KNG1: variants seen among roughly 807,000 people sequenced by gnomAD.
KNG1 encodes kininogen-1.
Under a neutral mutation model 47.8 loss-of-function variants are expected in KNG1, and 23 were observed. That is an observed-to-expected ratio of 0.48 (90% CI 0.35 to 0.68). KNG1 has a LOEUF of 0.68. Among genes scored for constraint, KNG1 ranks in the 30% least tolerant of loss-of-function variants. The pLI, the probability that KNG1 is intolerant of heterozygous loss-of-function variation, is 0.01. For missense variants in KNG1, 762 were observed against 790.2 expected (o/e 0.96, Z 0.43); for synonymous variants, 277 against 277.0 (o/e 1.00, Z 0.00).
rs1398971331 is a variant in KNG1, at chr3:186,739,150, T to C, written c.982T>C (p.Cys328Arg). ...FIDFVARETT[C>R]SKESNEELTE... ...TGACTTCGTGGCCAGGGAAACCACA[T>C]GTTCCAAGGAAAGTAATGAAGAGTT... Residue 328 changes from cysteine to arginine, a missense_variant, in exon 8 of 10, where the codon TGT becomes CGT. By Grantham distance (180) the Cys-to-Arg change is radical. Coordinates refer to ENST00000644859, the MANE Select transcript of KNG1 (RefSeq NM_001102416.3). 3.7e-6 allele frequency: 6 copies of C among 1,614,066 alleles called. No individual in the cohort carries two copies. Among genetic ancestry groups the C allele is most frequent in the South Asian group, 2.2e-5 (2 of 91,084 alleles).
At chr3:186,730,517 G>A (rs1720484269) in intron 5 of KNG1, among the ~76,000 whole-genome samples, 1 of 151,454 alleles carries the variant, frequency 6.6e-6, no homozygotes, top group African/African-American at 2.4e-5. Context: ...TTAGCCGGGT[G>A]TGGTGGCAGA....
At chr3:186,731,395 T>C (rs1048176488) in intron 5 of KNG1, 150 bp from the exon 6 acceptor site, 2 of 634,026 alleles carry the variant, frequency 3.2e-6, no homozygotes, top group East Asian at 5.6e-5. Flanking sequence ...AGTATCTCTT[T>C]TGCAGTAAGA....
chr3:186,735,200 C>T (rs760865766), intron 7 of KNG1, among the ~76,000 whole-genome samples: 55 of 152,036 alleles, frequency 3.6e-4, no homozygotes, highest in African/African-American at 9.9e-4. Context: ...TTAAGAGAGA[C>T]GCGGGCCAGA....
At chr3:186,722,327 C>A (rs1405219323) in intron 2 of KNG1, 110 bp from the exon 3 acceptor site, 2 of 849,146 alleles carry the variant, frequency 2.4e-6, no homozygotes, top group Non-Finnish European at 1.9e-6. Flanking sequence ...AAAATCTTCA[C>A]AAGTTTTGTT....
intron 4 of KNG1, among the ~76,000 whole-genome samples, chr3:186,727,020 A>ATGTGTGTG (rs139519865): frequency 9.6e-6 from 1 of 104,612 alleles, no homozygotes; most frequent in African/African-American, 3.0e-5. Flanking sequence ...CTAGCGGTGT[A>ATGTGTGTG]TGTGTGTGTG....
rs1720815671 is a variant in KNG1 at position 186,741,687 on chromosome 3, T to A, written c.1291T>A (p.Trp431Arg). The change falls in exon 10 of 10, where the codon TGG (tryptophan) becomes AGG (arginine). Residue 431 changes from tryptophan (W) to arginine (R), a missense_variant. Trp to Arg is a moderately radical substitution (Grantham distance 101). Coordinates refer to ENST00000644859, the MANE Select transcript of KNG1 (RefSeq NM_001102416.3). The part of the protein sequence containing the change: ...KEQGHTRRHD[W>R]GHEKQRKHNL... ...ACAAGGGCATACTCGTAGACATGAC[T>A]GGGGCCATGAAAAACAAAGAAAACA... is the stretch of plus-strand genomic sequence containing the variant. 6.2e-7 allele frequency: 1 copy of A among 1,614,184 alleles called. No homozygotes were observed. The highest frequency in any genetic ancestry group is 2.2e-5 in the East Asian group (1 of 44,880).
rs575351332 is a variant in KNG1 at position 186,735,630 on chromosome 3, A to T, written c.930+2956A>T. On this transcript the variant is annotated intron_variant, in intron 7 of 9. Coordinates refer to ENST00000644859, the MANE Select transcript of KNG1 (RefSeq NM_001102416.3). ...TGAAACTCCATCTCAAAAAATAATA[A>T]AAAAAAAAAAGAATTAAAAAATTAG... Among the ~76,000 whole-genome samples the T allele has an allele frequency of 1.4e-3, 213 of 147,826 alleles. 1 individual carries two copies. The highest frequency in any genetic ancestry group is 4.2e-3 in the African/African-American group (173 of 40,716).
At chr3:186,727,685 C>A (rs1367166537) in intron 5 of KNG1, among the ~76,000 whole-genome samples, 1 of 152,130 alleles carries the variant, frequency 6.6e-6, no homozygotes, top group African/African-American at 2.4e-5. Context: ...TATTCTCCTG[C>A]CTCAGCCTCC....
In KNG1 at chr3:186,720,447, CT is replaced by C. The variant is rs1560060722; in HGVS notation, c.306+233del. On this transcript the variant is annotated intron_variant, in intron 2 of 9. Transcript: ENST00000644859. ...AAAGCCTTTCCATGAGAAGGGGGCT[CT>C]AGTGTCCAGCCAGAACATGTGGCTC... 241 of 514,670 alleles carry C rather than the reference CT, an allele frequency of 4.7e-4. 1 individual carries two copies. Among genetic ancestry groups the C allele is most frequent in the African/African-American group, 3.1e-3 (161 of 51,522 alleles). 31.9% of individuals were successfully genotyped at this position (514,670 alleles called of 1,614,324 possible).
intron 3 of KNG1, among the ~76,000 whole-genome samples, chr3:186,724,221 C>A (rs1325664130): frequency 6.6e-6 from 1 of 152,148 alleles, no homozygotes; most frequent in Non-Finnish European, 1.5e-5. Context: ...GTTCTCTTTT[C>A]TCCATATCCT....
chr3:186,741,580 A>T lies in KNG1; in HGVS notation c.1184A>T (p.Glu395Val). The T allele has an allele frequency of 6.2e-7, 1 of 1,610,326 alleles. No homozygotes were observed. Among genetic ancestry groups the T allele is most frequent in the Non-Finnish European group, 8.5e-7 (1 of 1,178,976 alleles). The change falls in exon 10 of 10, where the codon GAA (glutamate) becomes GTA (valine). Residue 395 changes from glutamate to valine, a missense_variant. Coordinates refer to ENST00000644859, the MANE Select transcript of KNG1 (RefSeq NM_001102416.3). Reference sequence around the variant, plus strand: ...CCTTTCCGATCATCACGAATAGGGGAAATAAAAGAAGAAACAACTGTAAGT... The same window carrying T: ...CCTTTCCGATCATCACGAATAGGGGTAATAAAAGAAGAAACAACTGTAAGT... ...FSPFRSSRIG[E>V]IKEETTVSPP...
At chr3:186,723,505 G>A (rs992268739) in intron 3 of KNG1, among the ~76,000 whole-genome samples, 14 of 152,150 alleles carry the variant, frequency 9.2e-5, no homozygotes, top group African/African-American at 3.1e-4. Flanking sequence ...CCACATGTGA[G>A]TGAGAACAAT....
intron 5 of KNG1, among the ~76,000 whole-genome samples, chr3:186,730,667 AAAAAAAAAAAAAAAAAATATATAT>A (rs1560065805): frequency 5.4e-5 from 4 of 74,462 alleles, no homozygotes; most frequent in East Asian, 3.9e-4. Context: ...AAAAAAAAAA[AAAAAAAAAAAAAAAAAATATATAT>A]ATATATATAT....
chr3:186,732,760 T>C (rs946403829), intron 7 of KNG1, 86 bp downstream of exon 7: 2 of 1,052,794 alleles, frequency 1.9e-6, no homozygotes, highest in South Asian at 2.5e-5. Flanking sequence ...TGGCTCTGGA[T>C]TGGGAAACCA....
chr3:186,729,744 C>T lies in KNG1; in HGVS notation c.673-1801C>T, dbSNP rs371137733. Among the ~76,000 whole-genome samples the T allele has an allele frequency of 5.9e-5, 9 of 151,524 alleles. No individual in the cohort carries two copies. The East Asian group carries it at 1.7e-3, about 29-fold the overall frequency. On this transcript the variant is annotated intron_variant, in intron 5 of 9. Transcript: ENST00000644859. ...CTGGAGTGCAATAGCGCGATCTTGG[C>T]TCACTGCAACCTCCGCCTCCCGGGT...
intron 5 of KNG1, chr3:186,728,825 T>C (rs1199208042): frequency 6.6e-6 from 1 of 152,146 alleles, no homozygotes; most frequent in Non-Finnish European, 1.5e-5. Context: ...CTAATTTTTG[T>C]ATTTTGGGTA....
intron 2 of KNG1, chr3:186,721,564 G>A (rs867014509): frequency 6.6e-6 from 1 of 152,268 alleles, no homozygotes; most frequent in African/African-American, 2.4e-5. Flanking sequence ...ACAACTCTAA[G>A]AGATAGATGT....
intron 7 of KNG1, chr3:186,736,150 CCATCAG>C (rs2108633496): frequency 6.6e-6 from 1 of 152,224 alleles, no homozygotes; most frequent in South Asian, 2.1e-4. Context: ...AAGAGGTAAC[CCATCAG>C]ATAGCTGCCA....
intron 5 of KNG1, among the ~76,000 whole-genome samples, chr3:186,727,908 G>A (rs1469977864): frequency 2.0e-5 from 3 of 152,108 alleles, no homozygotes; most frequent in Admixed American, 6.6e-5. Context: ...CAGGGACTAC[G>A]AATAGATAAA....
Sources: gnomAD v4.1 joint callset for allele counts (sites outside exome capture counted in the v4.1 genomes callset) on GRCh38, gnomAD v4.1.1 for gene constraint, MANE v1.5 for transcripts, NCBI Gene and HGNC (gene_info 2026-07-23, HGNC 2026-07-21) for gene names.